RARA: variants seen among roughly 807,000 people sequenced by gnomAD.
The protein encoded by RARA is retinoic acid receptor alpha, also known as PML-DDX5-RARA fusion.
RARA carries 5 observed loss-of-function variants against 42.8 expected under a neutral mutation model. The observed-to-expected ratio is 0.12, with a 90% CI of 0.06 to 0.25. The LOEUF is 0.25. RARA is among the 10% of genes least tolerant of loss of function. The probability of loss-of-function intolerance (pLI) is 1.00; values close to 1 mark genes in which losing one functional copy is unlikely to be tolerated. For synonymous variants in RARA, 256 were observed against 259.5 expected, an observed-to-expected ratio of 0.99 and a Z score of 0.13; for missense variants, 402 against 628.7, an observed-to-expected ratio of 0.64 and a Z score of 3.86.
At chr17:40,340,926 C>T in intron 2 of RARA, 1 of 400,260 alleles carries the variant, frequency 2.5e-6, no homozygotes, top group Non-Finnish European at 4.4e-6. Flanking sequence ...CCCACATAGC[C>T]TTGCTGAGAC....
chr17:40,351,956 C>T lies in RARA; in HGVS notation c.516C>T (p.Pro172=), dbSNP rs543538391. The part of the protein sequence containing the change: ...RNKKKKEVPK[P]ECSESYTLTP... ...AGAAGAAGAAGGAGGTGCCCAAGCCCGAGTGCTCTGAGAGCTACACGCTGA... is the reference window on the plus strand; with the variant it reads ...AGAAGAAGAAGGAGGTGCCCAAGCCTGAGTGCTCTGAGAGCTACACGCTGA... The change falls in exon 5 of 9, where the codon CCC becomes CCT. Residue 172 remains proline, a synonymous_variant. Coordinates refer to ENST00000254066, the MANE Select transcript of RARA (RefSeq NM_000964.4). The surrounding 1 kb of genome is among the most constrained non-coding windows in gnomAD (Gnocchi z 4.1). 23 of 1,612,176 alleles carry T rather than the reference C, an allele frequency of 1.4e-5. No individual in the cohort carries two copies. Among genetic ancestry groups the T allele is most frequent in the Middle Eastern group, 1.6e-4 (1 of 6,062 alleles).
chr17:40,325,109 G>A (rs36102671), intron 1 of RARA, among the ~76,000 whole-genome samples: 10,455 of 152,018 alleles, frequency 0.069, 480 homozygotes, highest in Middle Eastern at 0.11. Context: ...AAATTAGCTG[G>A]GCGTGGTGGC....
At chr17:40,318,114 A>G (rs2143176995) in intron 1 of RARA, among the ~76,000 whole-genome samples, 1 of 152,160 alleles carries the variant, frequency 6.6e-6, no homozygotes, top group East Asian at 1.9e-4. Flanking sequence ...CCCGAGGTCT[A>G]TTAAGGAGAG....
At chr17:40,344,660 C>CA (rs927071260) in intron 2 of RARA, among the ~76,000 whole-genome samples, 28 of 152,224 alleles carry the variant, frequency 1.8e-4, no homozygotes, top group African/African-American at 6.8e-4. Flanking sequence ...CCTGTCCCCA[C>CA]ATCCATTCTG....
In RARA at chr17:40,355,236, G is replaced by C. The variant is rs1213310003; in HGVS notation, c.1013-27G>C. The C allele has an allele frequency of 6.5e-7, 1 of 1,548,068 alleles. No individual in the cohort carries two copies. Among genetic ancestry groups the C allele is most frequent in the Admixed American group, 2.0e-5 (1 of 51,078 alleles). On this transcript the variant is annotated intron_variant, in intron 7 of 8. Transcript: ENST00000254066. This position sits in a 1 kb window ranked among gnomAD's most constrained non-coding sequence, Gnocchi z 4.1. ...TGGGGGTGCAGCTGTGTTCCCAGCT[G>C]CTCAGGGGGTGGTTCTGCTTCCTCA...
At chr17:40,347,711 C>G (rs535306537) in intron 2 of RARA, among the ~76,000 whole-genome samples, 1 of 152,142 alleles carries the variant, frequency 6.6e-6, no homozygotes, top group Non-Finnish European at 1.5e-5. Context: ...CTCAGGGAGA[C>G]ACCTCCTACT....
At chr17:40,332,365 C>T (rs1217089351) in intron 2 of RARA, among the ~76,000 whole-genome samples, 1 of 152,174 alleles carries the variant, frequency 6.6e-6, no homozygotes, top group East Asian at 1.9e-4. Context: ...CGTGTCCCCA[C>T]CTCTCCTGGC....
chr17:40,332,043 C>T (rs572782146), intron 2 of RARA, among the ~76,000 whole-genome samples: 2 of 152,328 alleles, frequency 1.3e-5, no homozygotes, highest in African/African-American at 2.4e-5. Context: ...CTTGGCAGGG[C>T]CTGTGTTTTC....
Position 40,354,447 on chromosome 17 carries a change from C to G in RARA, c.953C>G (p.Pro318Arg), listed in dbSNP as rs145829003. ...TTTGCCTTCGCCAACCAGCTGCTGC[C>G]CCTGGAGATGGATGATGCGGAGACG... ...LVFAFANQLL[P>R]LEMDDAETGL... Residue 318 changes from proline to arginine, a missense_variant, in exon 7 of 9, where the codon CCC (proline) becomes CGC (arginine). This residue lies in a region of RARA where 104 missense variants were observed against 160.1 expected (regional missense o/e 0.65). Transcript: ENST00000254066. The surrounding 1 kb of genome is among the most constrained non-coding windows in gnomAD (Gnocchi z 4.5). 3.9e-4 allele frequency: 633 copies of G among 1,614,024 alleles called. No homozygotes were observed. Among genetic ancestry groups the G allele is most frequent in the Non-Finnish European group, 4.8e-4 (568 of 1,180,042 alleles).
rs915512562 is a variant in RARA, at chr17:40,353,549, C to T, written c.808-753C>T. ...ACTGCAGCCTGCAACTGCTGCCTCC[C>T]GGGTTCAAGCGATTCTCCTGCCTCA... On this transcript the variant is annotated intron_variant, in intron 6 of 8. Coordinates refer to ENST00000254066, the MANE Select transcript of RARA (RefSeq NM_000964.4). Among the ~76,000 whole-genome samples the T allele has an allele frequency of 1.1e-4, 17 of 152,230 alleles. No homozygotes were observed. In the East Asian group the frequency reaches 1.2e-3, roughly 10 times the overall value.
Position 40,355,956 on chromosome 17 carries a change from G to A in RARA, c.1172-53G>A. The A allele has an allele frequency of 2.0e-6, 3 of 1,494,340 alleles. No homozygotes were observed. Among genetic ancestry groups the A allele is most frequent in the Non-Finnish European group, 2.7e-6 (3 of 1,104,698 alleles). 92.6% of individuals were successfully genotyped at this position (1,494,340 alleles called of 1,614,324 possible). On this transcript the variant is annotated intron_variant, in intron 8 of 8. Coordinates refer to ENST00000254066, the MANE Select transcript of RARA (RefSeq NM_000964.4). The surrounding 1 kb of genome is among the most constrained non-coding windows in gnomAD (Gnocchi z 4.1). ...CCTCGAGCCAGGCTTGCTGGGGCTG[G>A]GGGTGGGAGGGCTGGCCCAGCGTGC...
intron 2 of RARA, chr17:40,341,880 C>A: frequency 9.8e-7 from 1 of 1,020,588 alleles, no homozygotes; most frequent in Non-Finnish European, 1.3e-6. Context: ...CCCCTCGCAG[C>A]CCCCTCCTCT....
chr17:40,341,807 T>C (rs2034057713), intron 2 of RARA: 10 of 1,209,054 alleles, frequency 8.3e-6, no homozygotes, highest in African/African-American at 1.6e-5. Context: ...TGACCAAACC[T>C]TGGGGGAGCC....
chr17:40,321,191 C>G (rs2033365748), intron 1 of RARA, among the ~76,000 whole-genome samples: 1 of 151,812 alleles, frequency 6.6e-6, no homozygotes, highest in African/African-American at 2.4e-5. Context: ...CTTGGTGTCC[C>G]CGCAGGGTGG....
In RARA at chr17:40,331,389, C is replaced by T. The variant is rs1343217524; in HGVS notation, c.171C>T (p.Ser57=). ...QLPVSGYSTP[S]PATIETQSSS... ...CAGTTAGTGGATATAGCACACCATCCCCAGCCAGTAAGTCTGGGTGTGGGG... is the reference window on the plus strand; with the variant it reads ...CAGTTAGTGGATATAGCACACCATCTCCAGCCAGTAAGTCTGGGTGTGGGG... The change falls in exon 2 of 9, where the codon TCC becomes TCT. Residue 57 remains serine, a synonymous_variant. Coordinates refer to ENST00000254066, the MANE Select transcript of RARA (RefSeq NM_000964.4). 8 of 1,612,832 alleles carry T rather than the reference C, an allele frequency of 5.0e-6. No individual in the cohort carries two copies. The highest frequency in any genetic ancestry group is 6.8e-6 in the Non-Finnish European group (8 of 1,179,344).
At chr17:40,309,693 A>ACCTGAGC (rs1175034561) in intron 1 of RARA, among the ~76,000 whole-genome samples, 1 of 152,016 alleles carries the variant, frequency 6.6e-6, no homozygotes, top group Non-Finnish European at 1.5e-5. Context: ...TTCCCAAGGG[A>ACCTGAGC]TTTCTTTCTT....
chr17:40,319,418 C>A (rs1464053891), intron 1 of RARA, among the ~76,000 whole-genome samples: 4 of 152,258 alleles, frequency 2.6e-5, no homozygotes, highest in African/African-American at 9.6e-5. Flanking sequence ...TACCTCCTGC[C>A]CCCTCTGGCT....
chr17:40,316,515 T>G (rs556311480), intron 1 of RARA, among the ~76,000 whole-genome samples: 1 of 152,344 alleles, frequency 6.6e-6, no homozygotes, highest in East Asian at 1.9e-4. Context: ...GCTGTGTGCA[T>G]GCATGCTTGC....
chr17:40,320,219 C>T lies in RARA; in HGVS notation c.-362-10638C>T, dbSNP rs1456725546. Among the ~76,000 whole-genome samples the T allele has an allele frequency of 6.6e-6, 1 of 152,098 alleles. No individual in the cohort carries two copies. The highest frequency in any genetic ancestry group is 1.5e-5 in the Non-Finnish European group (1 of 68,010). On this transcript the variant is annotated intron_variant, in intron 1 of 8. Coordinates refer to ENST00000254066, the MANE Select transcript of RARA (RefSeq NM_000964.4). This position sits in a 1 kb window ranked among gnomAD's most constrained non-coding sequence, Gnocchi z 4.1. ...TGAAATGGCTTAATCCTGGCCACAT[C>T]CTCCTTCCTATAGCCCCTAAATCTC...
Sources: gnomAD v4.1 joint callset for allele counts (sites outside exome capture counted in the v4.1 genomes callset) on GRCh38, gnomAD v4.1.1 for gene constraint, gnomAD v4.1.1 regional missense constraint, Gnocchi (gnomAD v3.1) non-coding constraint, MANE v1.5 for transcripts, NCBI Gene and HGNC (gene_info 2026-07-23, HGNC 2026-07-21) for gene names.